Variants in ZBED4 observed in about 807,000 individuals in gnomAD.
The protein encoded by ZBED4 is zinc finger BED domain-containing protein 4.
ZBED4 carries 4 observed loss-of-function variants against 15.5 expected under a neutral mutation model. That is an observed-to-expected ratio of 0.26 (90% CI 0.13 to 0.59). The LOEUF (loss-of-function observed/expected upper bound fraction) is 0.59. Among genes scored for constraint, ZBED4 ranks in the 20% least tolerant of loss-of-function variants. The pLI is 0.90. For synonymous variants in ZBED4, 692 were observed against 608.5 expected (o/e 1.14, Z -2.02); for missense variants, 1,323 against 1,461.8 (o/e 0.91, Z 1.55).
At chr22:49,858,020 C>G (rs2060281714) in intron 1 of ZBED4, among the ~76,000 whole-genome samples, 1 of 151,992 alleles carries the variant, frequency 6.6e-6, no homozygotes, top group Non-Finnish European at 1.5e-5. Context: ...CCTTGGCCTC[C>G]CAAAGTGCCA....
intron 1 of ZBED4, among the ~76,000 whole-genome samples, chr22:49,864,680 G>A (rs2060311816): frequency 1.3e-5 from 2 of 151,984 alleles, no homozygotes; most frequent in Admixed American, 1.3e-4. Flanking sequence ...TATTAGCCAG[G>A]TGTGGTGACA....
upstream of ZBED4, chr22:49,853,483 C>T: frequency 6.6e-6 from 1 of 152,436 alleles, no homozygotes; most frequent in Non-Finnish European, 1.5e-5. Context: ...CCGCGGTGGG[C>T]CGTTGGGTGC....
intron 1 of ZBED4, among the ~76,000 whole-genome samples, chr22:49,882,552 T>C (rs1485296507): frequency 6.6e-6 from 1 of 152,230 alleles, no homozygotes; most frequent in Non-Finnish European, 1.5e-5. Context: ...CTACCCCACA[T>C]GACTCCATCG....
At position 49,885,325 on chromosome 22, in the gene ZBED4, G is replaced by A. The variant is rs1312355278; in HGVS notation, c.1663G>A (p.Val555Ile). ...VTKNNQVMFP[V>I]NSKKTSKLWN... ...AAAAAACAATCAAGTTATGTTTCCT[G>A]TTAATAGCAAAAAGACCTCGAAGCT... Residue 555 changes from valine to isoleucine, a missense_variant, in exon 2 of 2, where the codon GTT (valine) becomes ATT (isoleucine). Val to Ile is a conservative substitution (Grantham distance 29). Coordinates refer to ENST00000216268, the MANE Select transcript of ZBED4 (RefSeq NM_014838.3). The A allele has an allele frequency of 1.3e-6, 2 of 1,591,522 alleles. No homozygotes were observed. Among genetic ancestry groups the A allele is most frequent in the Non-Finnish European group, 1.7e-6 (2 of 1,167,596 alleles).
At chr22:49,854,499 T>C (rs929393085) in intron 1 of ZBED4, among the ~76,000 whole-genome samples, 2 of 152,220 alleles carry the variant, frequency 1.3e-5, no homozygotes, top group African/African-American at 2.4e-5. Context: ...TTGTACGTGG[T>C]TCTGGGGATG....
At position 49,886,467 on chromosome 22, in the gene ZBED4, T is replaced by C. The variant is rs1415959735; in HGVS notation, c.2805T>C (p.Arg935=). The change falls in exon 2 of 2, where the codon CGT becomes CGC. Residue 935 remains arginine (R), a synonymous_variant. Transcript: ENST00000216268. The surrounding 1 kb of genome is among the most constrained non-coding windows in gnomAD (Gnocchi z 7.7). ...DQWEVMQSVC[R]ALKPFEAASR... is the part of the protein sequence containing the mutation. ...GGGAGGTCATGCAGTCCGTGTGCCG[T>C]GCGCTAAAGCCCTTCGAGGCTGCGA... 1.9e-6 allele frequency: 3 copies of C among 1,572,026 alleles called. No individual in the cohort carries two copies. In the South Asian group the frequency reaches 3.5e-5, roughly 18 times the overall value.
chr22:49,878,804 C>A (rs561838166), intron 1 of ZBED4, among the ~76,000 whole-genome samples: 2 of 151,998 alleles, frequency 1.3e-5, no homozygotes, highest in Non-Finnish European at 2.9e-5. Flanking sequence ...TTGAGACCAG[C>A]CTGGCAAACA....
rs80079466 is a variant in ZBED4, at chr22:49,864,056, T to A, written c.-330+10067T>A. On this transcript the variant is annotated intron_variant, in intron 1 of 1. Transcript: ENST00000216268. ...AAATAAGCCATTTCTTCAGCTCTGG[T>A]TTCTTTTAAGGGCTTGGAAGTTTCA... is the stretch of plus-strand genomic sequence containing the variant. 6.8e-3 allele frequency among the ~76,000 whole-genome samples: 1,031 copies of A among 152,300 alleles called. 9 individuals carry two copies. The highest frequency in any genetic ancestry group is 0.023 in the African/African-American group (964 of 41,558).
chr22:49,876,535 G>C (rs1165667698), intron 1 of ZBED4, among the ~76,000 whole-genome samples: 4 of 152,174 alleles, frequency 2.6e-5, no homozygotes, highest in Non-Finnish European at 4.4e-5. Flanking sequence ...GTTATATTTA[G>C]TATGTTATTC....
intron 1 of ZBED4, among the ~76,000 whole-genome samples, chr22:49,882,929 A>G (rs1030732995): frequency 3.9e-5 from 6 of 152,196 alleles, no homozygotes; most frequent in Admixed American, 3.3e-4. Flanking sequence ...TTCGTATTTC[A>G]TGTATCAGGT....
At chr22:49,854,524 A>G (rs1473191283) in intron 1 of ZBED4, among the ~76,000 whole-genome samples, 2 of 152,238 alleles carry the variant, frequency 1.3e-5, no homozygotes, top group Non-Finnish European at 2.9e-5. Context: ...TTCACATTTA[A>G]TGAATAAAAA....
chr22:49,886,665 G>T lies in ZBED4; in HGVS notation c.3003G>T (p.Arg1001=). The T allele has an allele frequency of 1.2e-6, 2 of 1,609,622 alleles. No homozygotes were observed. The highest frequency in any genetic ancestry group is 1.1e-5 in the South Asian group (1 of 90,468). ...TGTCTGCCACCCTCCACGACCCGCG[G>T]TACGTCTTCGCCACGCTGCTGGATC... ...SRLSATLHDP[R]YVFATLLDPR... Residue 1001 remains arginine, a synonymous_variant, in exon 2 of 2, where the codon CGG becomes CGT. Transcript: ENST00000216268. This position sits in a 1 kb window ranked among gnomAD's most constrained non-coding sequence, Gnocchi z 7.7.
chr22:49,879,161 C>G (rs1304245138), intron 1 of ZBED4, among the ~76,000 whole-genome samples: 1 of 144,174 alleles, frequency 6.9e-6, no homozygotes, highest in African/African-American at 2.5e-5. Context: ...AAACAAAAAA[C>G]AAAAAAAAAC....
rs2060450079 is a variant in ZBED4 at position 49,888,172 on chromosome 22, T to G, written c.*994T>G. The G allele has an allele frequency of 6.0e-6, 1 of 167,212 alleles. No individual in the cohort carries two copies. The highest frequency in any genetic ancestry group is 2.1e-4 in the South Asian group (1 of 4,832). 10.4% of individuals were successfully genotyped at this position (167,212 alleles called of 1,614,324 possible). On this transcript the variant is annotated 3_prime_UTR_variant, in exon 2 of 2. Coordinates refer to ENST00000216268, the MANE Select transcript of ZBED4 (RefSeq NM_014838.3). ...GGAAGATGCGGCCATCACTGGGATA[T>G]TTTCAAATCCCAAGGACATCAGAGT...
chr22:49,881,583 T>C (rs1465915731), intron 1 of ZBED4, among the ~76,000 whole-genome samples: 1 of 152,202 alleles, frequency 6.6e-6, no homozygotes, highest in African/African-American at 2.4e-5. Flanking sequence ...TTCACTATTA[T>C]TCAGGCTAGT....
At chr22:49,866,005 G>C (rs540824312) in intron 1 of ZBED4, among the ~76,000 whole-genome samples, 1 of 152,084 alleles carries the variant, frequency 6.6e-6, no homozygotes, top group African/African-American at 2.4e-5. Flanking sequence ...ACTGTGCCTG[G>C]CTAGTTCACT....
chr22:49,866,675 G>C (rs2060323641), intron 1 of ZBED4, among the ~76,000 whole-genome samples: 1 of 152,130 alleles, frequency 6.6e-6, no homozygotes, highest in Non-Finnish European at 1.5e-5. Flanking sequence ...TTCGTTATCT[G>C]CAGTGATGTT....
Position 49,884,670 on chromosome 22 carries a change from C to A in ZBED4, c.1008C>A (p.Arg336=). 1 of 1,609,724 alleles carries A rather than the reference C, an allele frequency of 6.2e-7. No individual in the cohort carries two copies. Among genetic ancestry groups the A allele is most frequent in the Non-Finnish European group, 8.5e-7 (1 of 1,177,544 alleles). The change falls in exon 2 of 2, where the codon CGC becomes CGA. Residue 336 remains arginine, a synonymous_variant. Transcript: ENST00000216268. ...CLIRHMWRAH[R]AIVLQENGGT... is the part of the protein sequence containing the mutation. ...TCAGGCACATGTGGAGGGCACACCGCGCCATCGTGTTGCAGGAGAACGGGG... is the reference window on the plus strand; with the variant it reads ...TCAGGCACATGTGGAGGGCACACCGAGCCATCGTGTTGCAGGAGAACGGGG...
At position 49,885,514 on chromosome 22, in the gene ZBED4, G is replaced by A; in HGVS notation, c.1852G>A (p.Glu618Lys). 6.2e-7 allele frequency: 1 copy of A among 1,610,066 alleles called. No individual in the cohort carries two copies. Among genetic ancestry groups the A allele is most frequent in the Non-Finnish European group, 8.5e-7 (1 of 1,176,474 alleles). The change falls in exon 2 of 2, where the codon GAG (glutamate) becomes AAG (lysine). Residue 618 changes from glutamate (E) to lysine (K), a missense_variant. Physicochemically the swap from Glu to Lys is moderately conservative, Grantham distance 56 (BLOSUM62 1). This residue lies in a region of ZBED4 where 429 missense variants were observed against 397.9 expected (regional missense o/e 1.08). Transcript: ENST00000216268. ...CAACGTGCTGAAAACTGAGGTCTCGGAGACGGCTCGGCCCTCCTCTCCGGA... is the reference window on the plus strand; with the variant it reads ...CAACGTGCTGAAAACTGAGGTCTCGAAGACGGCTCGGCCCTCCTCTCCGGA... ...HSNVLKTEVS[E>K]TARPSSPDTR...
Sources: gnomAD v4.1 joint callset for allele counts (sites outside exome capture counted in the v4.1 genomes callset) on GRCh38, gnomAD v4.1.1 for gene constraint, gnomAD v4.1.1 regional missense constraint, Gnocchi (gnomAD v3.1) non-coding constraint, MANE v1.5 for transcripts, NCBI Gene and HGNC (gene_info 2026-07-23, HGNC 2026-07-21) for gene names.